The following CWH43 variants were observed in gnomAD, a reference collection of about 807,000 sequenced individuals.
CWH43 encodes PGAP2-interacting protein.
A neutral mutation model predicts 85.7 loss-of-function variants in CWH43; 91 were observed. That is an observed-to-expected ratio of 1.06 (90% CI 0.90 to 1.26). The LOEUF (loss-of-function observed/expected upper bound fraction) is 1.26. Ranked by LOEUF, CWH43 falls within the 50% of genes most tolerant of loss-of-function variation. The pLI is 0.00. For missense variants in CWH43, 869 were observed against 839.2 expected (o/e 1.04, Z -0.44); for synonymous variants, 323 against 293.6 (o/e 1.10, Z -1.02).
chr4:49,047,691 T>A (rs1423508932), intron 14 of CWH43, among the ~76,000 whole-genome samples: 1 of 150,710 alleles, frequency 6.6e-6, no homozygotes, highest in Non-Finnish European at 1.5e-5. Context: ...TGGAGTGGGG[T>A]GAGGGGCGGC....
chr4:49,034,027 A>C (rs1349496462), intron 12 of CWH43, among the ~76,000 whole-genome samples: 2 of 152,194 alleles, frequency 1.3e-5, no homozygotes, highest in African/African-American at 4.8e-5. Context: ...ATATTTTCTT[A>C]AAAAACTCAG....
At chr4:48,987,412 A>G (rs912584340) in intron 1 of CWH43, among the ~76,000 whole-genome samples, 8 of 152,130 alleles carry the variant, frequency 5.3e-5, no homozygotes, top group Non-Finnish European at 1.2e-4. Flanking sequence ...CAGTTGGTAG[A>G]AAGTTCCCAC....
chr4:48,989,459 C>T (rs1279846031), intron 2 of CWH43, among the ~76,000 whole-genome samples: 1 of 152,150 alleles, frequency 6.6e-6, no homozygotes, highest in African/African-American at 2.4e-5. Context: ...CCAGAAATTC[C>T]ACTTCTAGGA....
rs1783473117 is a variant in CWH43 at position 49,014,475 on chromosome 4, AG to A, written c.1187-2773del. Among the ~76,000 whole-genome samples the A allele has an allele frequency of 4.0e-5, 6 of 149,486 alleles. No homozygotes were observed. The South Asian group carries it at 6.4e-4, about 16-fold the overall frequency. ...CTCTGACTCAAAAAAAAAAAAAAAA[AG>A]AGAGAAGAAAAGATTCTATTTAAAC... is the stretch of plus-strand genomic sequence containing the variant. On this transcript the variant is annotated intron_variant, in intron 8 of 15. Transcript: ENST00000226432.
At chr4:49,001,525 G>T (rs1476828732) in intron 6 of CWH43, among the ~76,000 whole-genome samples, 1 of 152,096 alleles carries the variant, frequency 6.6e-6, no homozygotes. Context: ...GTATTTCTTT[G>T]TATGTGTAGG....
chr4:48,986,702 C>T, intron 1 of CWH43: 1 of 1,352,302 alleles, frequency 7.4e-7, no homozygotes, highest in Non-Finnish European at 9.5e-7. Flanking sequence ...GCGAGAGACC[C>T]CGTCGCCCGA....
At chr4:49,010,977 A>G (rs1783338121) in intron 8 of CWH43, among the ~76,000 whole-genome samples, 1 of 152,204 alleles carries the variant, frequency 6.6e-6, no homozygotes. Flanking sequence ...AGAGTTCTGT[A>G]GATGTCTATT....
At chr4:49,046,544 G>C (rs1162949318) in intron 14 of CWH43, among the ~76,000 whole-genome samples, 2 of 152,122 alleles carry the variant, frequency 1.3e-5, no homozygotes, top group Admixed American at 1.3e-4. Flanking sequence ...ATCCAGGTGA[G>C]AAGGCAGGGT....
At chr4:49,017,841 T>C (rs1027877999) in intron 9 of CWH43, among the ~76,000 whole-genome samples, 34 of 151,914 alleles carry the variant, frequency 2.2e-4, no homozygotes, top group Middle Eastern at 3.4e-3. Flanking sequence ...CTACACATTT[T>C]TTTTTTTTTT....
At chr4:49,019,329 G>T (rs1783663378) in intron 9 of CWH43, among the ~76,000 whole-genome samples, 1 of 152,048 alleles carries the variant, frequency 6.6e-6, no homozygotes, top group South Asian at 2.1e-4. Flanking sequence ...TGCAAGTTGA[G>T]AAAAAAGTTG....
chr4:48,987,333 TCCTC>T (rs1782527481), intron 1 of CWH43, among the ~76,000 whole-genome samples: 1 of 152,012 alleles, frequency 6.6e-6, no homozygotes, highest in African/African-American at 2.4e-5. Context: ...TCTCATTTAA[TCCTC>T]CCAACAACAC....
chr4:48,992,663 T>C lies in CWH43; in HGVS notation c.511+573T>C, dbSNP rs1782694512. Among the ~76,000 whole-genome samples, 2 of 152,210 alleles carry C rather than the reference T, an allele frequency of 1.3e-5. No homozygotes were observed. Among genetic ancestry groups the C allele is most frequent in the Non-Finnish European group, 2.9e-5 (2 of 68,040 alleles). ...ACAGAAACATGCCCAGCTTAGAGTTTGTTTCATAAACCAACCCGAGACTCT... is the reference window on the plus strand; with the variant it reads ...ACAGAAACATGCCCAGCTTAGAGTTCGTTTCATAAACCAACCCGAGACTCT... On this transcript the variant is annotated intron_variant, in intron 4 of 15. Coordinates refer to ENST00000226432, the MANE Select transcript of CWH43 (RefSeq NM_025087.3). This position sits in a 1 kb window ranked among gnomAD's most constrained non-coding sequence, Gnocchi z 4.3.
At chr4:49,040,119 C>T (rs1784410354) in intron 13 of CWH43, among the ~76,000 whole-genome samples, 1 of 152,102 alleles carries the variant, frequency 6.6e-6, no homozygotes, top group Admixed American at 6.5e-5. Flanking sequence ...TGTATATGTG[C>T]CACATTTTCT....
At chr4:49,004,051 G>A in intron 7 of CWH43, 59 bp downstream of exon 7, 1 of 1,472,140 alleles carries the variant, frequency 6.8e-7, no homozygotes, top group Non-Finnish European at 9.1e-7. Context: ...CTTATGGACT[G>A]ACCAGGATTT....
At chr4:49,050,008 G>T (rs1280080127) in intron 14 of CWH43, among the ~76,000 whole-genome samples, 2 of 152,204 alleles carry the variant, frequency 1.3e-5, no homozygotes, top group Non-Finnish European at 2.9e-5. Context: ...ACCCAGAACA[G>T]TGCCTGCATG....
At chr4:48,987,194 G>T (rs1782521611) in intron 1 of CWH43, among the ~76,000 whole-genome samples, 2 of 152,076 alleles carry the variant, frequency 1.3e-5, no homozygotes, top group Admixed American at 6.6e-5. Flanking sequence ...TTGATTTTCT[G>T]GGAGCTGGTA....
intron 13 of CWH43, among the ~76,000 whole-genome samples, chr4:49,041,369 C>A (rs948253092): frequency 2.0e-5 from 3 of 152,154 alleles, no homozygotes; most frequent in Non-Finnish European, 4.4e-5. Context: ...ATTCTTCCTA[C>A]CCATGAGCAT....
chr4:49,037,395 G>T (rs1784292572), intron 12 of CWH43, among the ~76,000 whole-genome samples: 1 of 152,036 alleles, frequency 6.6e-6, no homozygotes, highest in Non-Finnish European at 1.5e-5. Context: ...CATGCAAAAT[G>T]CTGTCTCTAC....
At chr4:49,027,518 T>G (rs1275477578) in intron 9 of CWH43, among the ~76,000 whole-genome samples, 1 of 152,212 alleles carries the variant, frequency 6.6e-6, no homozygotes, top group African/African-American at 2.4e-5. Context: ...TCATTAGATT[T>G]TTTTCTGTTT....
Sources: allele counts gnomAD v4.1 joint callset (sites outside exome capture counted in the v4.1 genomes callset), GRCh38; gene constraint gnomAD v4.1.1; non-coding constraint Gnocchi (gnomAD v3.1); transcripts MANE v1.5; gene names NCBI Gene and HGNC (gene_info 2026-07-23, HGNC 2026-07-21).